Variants in BCAS3 observed in about 807,000 individuals in gnomAD.
The protein encoded by BCAS3 is BCAS3 microtubule associated cell migration factor.
A neutral mutation model predicts 116.1 loss-of-function variants in BCAS3; 53 were observed. The observed-to-expected ratio is 0.46, with a 90% CI of 0.37 to 0.57. The LOEUF (loss-of-function observed/expected upper bound fraction) is 0.57. Ranked by LOEUF, BCAS3 falls within the 20% of genes least tolerant of loss-of-function variation. The pLI is 0.00. For missense variants in BCAS3, 917 were observed against 1,165.4 expected, an observed-to-expected ratio of 0.79 and a Z score of 3.10; for synonymous variants, 391 against 408.2, an observed-to-expected ratio of 0.96 and a Z score of 0.51.
At position 60,744,525 on chromosome 17, in the gene BCAS3, A is replaced by G. The variant is rs549125883; in HGVS notation, c.322-2673A>G. Among the ~76,000 whole-genome samples, 556 of 152,264 alleles carry G rather than the reference A, an allele frequency of 3.7e-3. 3 individuals carry two copies. The highest frequency in any genetic ancestry group is 6.1e-3 in the Non-Finnish European group (414 of 68,004). On this transcript the variant is annotated intron_variant, in intron 5 of 23. Coordinates refer to ENST00000407086, the MANE Select transcript of BCAS3 (RefSeq NM_017679.5). ...GTTTCTGTTCTGAAATGGTACTCTA[A>G]TGTAGAATTCCCACAGACTATTTGG...
intron 14 of BCAS3, among the ~76,000 whole-genome samples, chr17:60,985,612 T>G (rs987808338): frequency 1.3e-5 from 2 of 152,100 alleles, no homozygotes; most frequent in African/African-American, 4.8e-5. Flanking sequence ...ATACCAGATA[T>G]TATCCATTCT....
chr17:60,905,292 A>G (rs1292834604), intron 11 of BCAS3, among the ~76,000 whole-genome samples: 3 of 152,206 alleles, frequency 2.0e-5, no homozygotes. Context: ...GAGATAATCC[A>G]CAATATAAGC....
chr17:60,775,547 A>G (rs1181055456), intron 6 of BCAS3, among the ~76,000 whole-genome samples: 1 of 150,094 alleles, frequency 6.7e-6, no homozygotes, highest in East Asian at 1.9e-4. Context: ...GTTTTTATGT[A>G]TATATAGGTT....
At chr17:60,770,848 T>G (rs866348430) in intron 6 of BCAS3, among the ~76,000 whole-genome samples, 31,044 of 126,224 alleles carry the variant, frequency 0.25, 8,406 homozygotes, top group African/African-American at 0.68. Flanking sequence ...TTTTTTTTTT[T>G]TTTTTTTTTT....
At chr17:61,292,803 C>G (rs910137159) in intron 22 of BCAS3, among the ~76,000 whole-genome samples, 8 of 152,174 alleles carry the variant, frequency 5.3e-5, no homozygotes, top group African/African-American at 1.9e-4. Flanking sequence ...CAAACTATCA[C>G]TTACATGATG....
chr17:60,803,959 G>C (rs1046342301), intron 6 of BCAS3, among the ~76,000 whole-genome samples: 12 of 150,430 alleles, frequency 8.0e-5, no homozygotes, highest in African/African-American at 2.9e-4. Flanking sequence ...GCACCACCAC[G>C]CCCGGCTAAT....
intron 22 of BCAS3, among the ~76,000 whole-genome samples, chr17:61,303,301 G>A (rs983488709): frequency 5.9e-5 from 9 of 152,188 alleles, no homozygotes; most frequent in Non-Finnish European, 1.2e-4. Flanking sequence ...CCTCATCTAT[G>A]AGCGTGGGGA....
At position 61,084,933 on chromosome 17, in the gene BCAS3, G is replaced by T. The variant is rs961312343; in HGVS notation, c.2425+369G>T. Among the ~76,000 whole-genome samples, 6 of 152,182 alleles carry T rather than the reference G, an allele frequency of 3.9e-5. No homozygotes were observed. Among genetic ancestry groups the T allele is most frequent in the Non-Finnish European group, 8.8e-5 (6 of 68,030 alleles). ...TACTCAACCTGTTGAGTATCAAAGT[G>T]CCTAATCTGTGGGAGTAGAGAGGAG... On this transcript the variant is annotated intron_variant, in intron 22 of 23. Transcript: ENST00000407086. This position sits in a 1 kb window ranked among gnomAD's most constrained non-coding sequence, Gnocchi z 5.5.
At position 61,213,224 on chromosome 17, in the gene BCAS3, C is replaced by T. The variant is rs1021546073; in HGVS notation, c.2425+128660C>T. Among the ~76,000 whole-genome samples the T allele has an allele frequency of 6.6e-6, 1 of 152,050 alleles. No individual in the cohort carries two copies. Among genetic ancestry groups the T allele is most frequent in the East Asian group, 1.9e-4 (1 of 5,192 alleles). ...TCACTCTGTCACCCAGGCTGGAGTG[C>T]GGTGGTGCAGTCTTGGCTCACTGCA... On this transcript the variant is annotated intron_variant, in intron 22 of 23. Coordinates refer to ENST00000407086, the MANE Select transcript of BCAS3 (RefSeq NM_017679.5). The surrounding 1 kb of genome is among the most constrained non-coding windows in gnomAD (Gnocchi z 5.4).
In BCAS3 at chr17:61,077,333, C is replaced by T. The variant is rs919812722; in HGVS notation, c.2131-1000C>T. On this transcript the variant is annotated intron_variant, in intron 20 of 23. Transcript: ENST00000407086. The surrounding 1 kb of genome is among the most constrained non-coding windows in gnomAD (Gnocchi z 4.3). ...GAGACCAAGACCATCCTGGCTAACA[C>T]GGTGAAACCCCGTCTCTACTAAAAA... 2.0e-5 allele frequency among the ~76,000 whole-genome samples: 3 copies of T among 151,930 alleles called. No homozygotes were observed. The highest frequency in any genetic ancestry group is 2.9e-5 in the Non-Finnish European group (2 of 67,976).
At chr17:61,193,190 AG>A in intron 22 of BCAS3, among the ~76,000 whole-genome samples, 1 of 152,278 alleles carries the variant, frequency 6.6e-6, no homozygotes, top group South Asian at 2.1e-4. Flanking sequence ...TGAACCCAGA[AG>A]GTAGAGGTTG....
At chr17:61,223,027 C>T (rs1307310134) in intron 22 of BCAS3, among the ~76,000 whole-genome samples, 1 of 152,042 alleles carries the variant, frequency 6.6e-6, no homozygotes, top group Non-Finnish European at 1.5e-5. Flanking sequence ...TAGTTTAATT[C>T]TCTGTATTTG....
intron 22 of BCAS3, among the ~76,000 whole-genome samples, chr17:61,206,801 CAAAAAAAAAAAA>C (rs71148392): frequency 1.3e-5 from 1 of 74,926 alleles, no homozygotes; most frequent in Non-Finnish European, 2.4e-5. Context: ...AACTCTGTCT[CAAAAAAAAAAAA>C]AAAAAAAAAA....
chr17:61,274,777 A>G (rs1251443560), intron 22 of BCAS3, among the ~76,000 whole-genome samples: 1 of 152,190 alleles, frequency 6.6e-6, no homozygotes, highest in Non-Finnish European at 1.5e-5. Context: ...AACCAAAAGC[A>G]TCTCAATTGG....
intron 14 of BCAS3, among the ~76,000 whole-genome samples, chr17:60,989,087 A>G (rs2063358970): frequency 6.6e-6 from 1 of 151,970 alleles, no homozygotes; most frequent in Non-Finnish European, 1.5e-5. Flanking sequence ...AGTTTCATTC[A>G]CAAATATCTT....
chr17:60,790,341 A>G (rs1056374154), intron 6 of BCAS3, among the ~76,000 whole-genome samples: 3 of 152,226 alleles, frequency 2.0e-5, no homozygotes, highest in Non-Finnish European at 4.4e-5. Flanking sequence ...TATGCATAAT[A>G]CAGGTACAAA....
At chr17:60,707,825 A>G (rs1254305827) in intron 4 of BCAS3, among the ~76,000 whole-genome samples, 1 of 152,184 alleles carries the variant, frequency 6.6e-6, no homozygotes, top group African/African-American at 2.4e-5. Context: ...ATGTTAAACC[A>G]TCTTACATTT....
chr17:61,210,971 C>T (rs1252032165), intron 22 of BCAS3, among the ~76,000 whole-genome samples: 1 of 152,066 alleles, frequency 6.6e-6, no homozygotes, highest in Non-Finnish European at 1.5e-5. Flanking sequence ...TATCTGAGGT[C>T]AGCTTAATCC....
chr17:61,038,883 A>G (rs187203653), intron 18 of BCAS3, among the ~76,000 whole-genome samples: 149 of 150,660 alleles, frequency 9.9e-4, no homozygotes, highest in African/African-American at 3.4e-3. Context: ...TTGGTCTCAT[A>G]CTCTTGACCT....
Sources: allele counts gnomAD v4.1 joint callset (sites outside exome capture counted in the v4.1 genomes callset), GRCh38; gene constraint gnomAD v4.1.1; non-coding constraint Gnocchi (gnomAD v3.1); transcripts MANE v1.5; gene names NCBI Gene and HGNC (gene_info 2026-07-23, HGNC 2026-07-21).